Variants in IRF4 observed in about 807,000 individuals in gnomAD.
IRF4 encodes the protein interferon regulatory factor 4, also known as lymphocyte-specific interferon regulatory factor.
IRF4 carries 13 observed loss-of-function variants against 55.5 expected under a neutral mutation model. That is an observed-to-expected ratio of 0.23 (90% confidence interval 0.15 to 0.37). The LOEUF (loss-of-function observed/expected upper bound fraction) is 0.37, where lower values mean the gene tolerates loss of function less well. Ranked by LOEUF, IRF4 falls within the 10% of genes least tolerant of loss-of-function variation. The pLI, the probability that IRF4 is intolerant of heterozygous loss-of-function variation, is 1.00. For missense variants in IRF4, 397 were observed against 593.8 expected (o/e 0.67, Z 3.44); for synonymous variants, 249 against 240.7 (o/e 1.03, Z -0.32).
intron 7 of IRF4, among the ~76,000 whole-genome samples, chr6:402,574 C>G (rs1341006204): frequency 1.3e-5 from 2 of 152,250 alleles, no homozygotes; most frequent in Non-Finnish European, 2.9e-5. Flanking sequence ...CTCCCCTTTT[C>G]TTGAATGTGC....
intron 1 of IRF4, among the ~76,000 whole-genome samples, chr6:392,205 G>C (rs1761121196): frequency 6.6e-6 from 1 of 152,264 alleles, no homozygotes. Flanking sequence ...CCAATCCGAG[G>C]CTCCTTCCCC....
Position 394,738 on chromosome 6 carries a change from G to A in IRF4, c.217-83G>A, listed in dbSNP as rs1761209496. The A allele has an allele frequency of 1.0e-5, 14 of 1,335,070 alleles. No homozygotes were observed. In the East Asian group the frequency reaches 3.0e-4, roughly 29 times the overall value. 82.7% of individuals were successfully genotyped at this position (1,335,070 alleles called of 1,614,324 possible). A position where few individuals can be genotyped will look rare whatever the true frequency, so the allele number is the denominator to read the frequency against. ...CCACTGTACTCTAGCCTGGGCAGCA[G>A]AGCAGGACTCTGATTCCAAAAAGAA... On this transcript the variant is annotated intron_variant, in intron 2 of 8. Transcript: ENST00000380956.
Position 391,780 on chromosome 6 carries a change from C to G in IRF4, c.-85C>G, listed in dbSNP as rs1450231210. Reference sequence around the variant, plus strand: ...TTCACCGCTCGATCTTGGGACCCACCGCTGCCCTCAGCTCCGAGTCCAGGG... The same window carrying G: ...TTCACCGCTCGATCTTGGGACCCACGGCTGCCCTCAGCTCCGAGTCCAGGG... On this transcript the variant is annotated 5_prime_UTR_variant, in exon 1 of 9. Transcript: ENST00000380956. The G allele has an allele frequency of 2.2e-6, 1 of 456,218 alleles. No homozygotes were observed. Among genetic ancestry groups the G allele is most frequent in the East Asian group, 6.9e-5 (1 of 14,402 alleles). 28.3% of individuals were successfully genotyped at this position (456,218 alleles called of 1,614,324 possible). A position where few individuals can be genotyped will look rare whatever the true frequency, so the allele number is the denominator to read the frequency against.
At chr6:404,634 A>G (rs1297495384) in intron 7 of IRF4, among the ~76,000 whole-genome samples, 1 of 152,260 alleles carries the variant, frequency 6.6e-6, no homozygotes, top group African/African-American at 2.4e-5. Context: ...GATTTTTTAA[A>G]TGAAAACTTG....
chr6:402,540 CTG>C (rs895457718), intron 7 of IRF4, among the ~76,000 whole-genome samples: 1 of 152,246 alleles, frequency 6.6e-6, no homozygotes, highest in African/African-American at 2.4e-5. Context: ...TCAGAAACTC[CTG>C]TGTCTTTGAT....
At position 393,503 on chromosome 6, in the gene IRF4, G is replaced by A; in HGVS notation, c.216+135G>A. The A allele has an allele frequency of 1.8e-6, 1 of 565,574 alleles. No homozygotes were observed. The highest frequency in any genetic ancestry group is 3.7e-5 in the East Asian group (1 of 27,062). The allele number at this position is 565,574 out of a possible 1,614,324, so 35.0% of individuals were successfully genotyped here. On this transcript the variant is annotated intron_variant, in intron 2 of 8. Transcript: ENST00000380956. The surrounding 1 kb of genome is among the most constrained non-coding windows in gnomAD (Gnocchi z 5.4). Reference sequence around the variant, plus strand: ...CGGGCGGGCGGCGGAGGCATCAGGTGGCGTCGCCGGAGCCGCAGGAGGAGG... The same window carrying A: ...CGGGCGGGCGGCGGAGGCATCAGGTAGCGTCGCCGGAGCCGCAGGAGGAGG...
chr6:406,707 A>G (rs975645966), intron 8 of IRF4: 25 of 909,536 alleles, frequency 2.7e-5, no homozygotes, highest in Non-Finnish European at 3.5e-5. Flanking sequence ...AAAATGAATA[A>G]ACACACGTGT....
intron 7 of IRF4, among the ~76,000 whole-genome samples, chr6:403,745 A>T (rs1761468453): frequency 6.6e-6 from 1 of 152,230 alleles, no homozygotes; most frequent in Non-Finnish European, 1.5e-5. Context: ...GATGCTGTGA[A>T]CGTAAAAACT....
At chr6:398,799 C>A in intron 5 of IRF4, 29 bp from the exon 6 acceptor site, 3 of 1,545,418 alleles carry the variant, frequency 1.9e-6, no homozygotes, top group Non-Finnish European at 2.7e-6. Context: ...TCTGTCTAGA[C>A]ATCATCTGAT....
At chr6:399,007 C>A in intron 6 of IRF4, 72 bp downstream of exon 6, 3 of 1,049,084 alleles carry the variant, frequency 2.9e-6, no homozygotes, top group Non-Finnish European at 2.8e-6. Context: ...CATCTTTGGG[C>A]AGATTCGATG....
chr6:401,902 G>A, intron 7 of IRF4, 125 bp downstream of exon 7: 1 of 738,226 alleles, frequency 1.4e-6, no homozygotes, highest in Middle Eastern at 2.7e-4. Flanking sequence ...GGCGCCCACT[G>A]GGCTTGGGGC....
Position 393,174 on chromosome 6 carries a change from C to T in IRF4, c.22C>T (p.Arg8Ter). The change falls in exon 2 of 9, where the codon CGA (arginine) becomes TGA (stop). Residue 8 changes from arginine to a stop codon, truncating the protein, a stop_gained. Transcript: ENST00000380956. LOFTEE classifies it high-confidence loss of function. This position sits in a 1 kb window ranked among gnomAD's most constrained non-coding sequence, Gnocchi z 5.4. ...GGGCATGAACCTGGAGGGCGGCGGC[C>T]GAGGCGGAGAGTTCGGCATGAGCGC... MNLEGGGRGGEFGMSAVS... is the reference protein window; with the variant it reads MNLEGGG 4 of 1,551,118 alleles carry T rather than the reference C, an allele frequency of 2.6e-6. No homozygotes were observed. Among genetic ancestry groups the T allele is most frequent in the Non-Finnish European group, 2.6e-6 (3 of 1,147,220 alleles).
intron 5 of IRF4, among the ~76,000 whole-genome samples, chr6:397,752 T>C (rs186067525): frequency 6.6e-6 from 1 of 152,234 alleles, no homozygotes; most frequent in Non-Finnish European, 1.5e-5. Flanking sequence ...TTGCTGATTG[T>C]GGATTAGATG....
chr6:393,407 G>C lies in IRF4; in HGVS notation c.216+39G>C. 2 of 1,484,360 alleles carry C rather than the reference G, an allele frequency of 1.3e-6. No individual in the cohort carries two copies. The highest frequency in any genetic ancestry group is 2.8e-5 in the African/African-American group (2 of 71,360). The allele number at this position is 1,484,360 out of a possible 1,614,324, so 91.9% of individuals were successfully genotyped here. A position where few individuals can be genotyped will look rare whatever the true frequency, so the allele number is the denominator to read the frequency against. On this transcript the variant is annotated intron_variant, in intron 2 of 8. Transcript: ENST00000380956. The surrounding 1 kb of genome is among the most constrained non-coding windows in gnomAD (Gnocchi z 5.4). ...GGAGCCGGCGGGGGCGCGCCGGGGA[G>C]GGCCCAGAGACAGAGCCCGGGGTCC...
rs1282131881 is a variant in IRF4, at chr6:408,481, T to G, written c.*883T>G. The G allele has an allele frequency of 1.3e-5, 3 of 229,798 alleles. No homozygotes were observed. Among genetic ancestry groups the G allele is most frequent in the African/African-American group, 6.6e-5 (3 of 45,162 alleles). 14.2% of individuals were successfully genotyped at this position (229,798 alleles called of 1,614,324 possible). Reference sequence around the variant, plus strand: ...AGTCAAAAAACATGAGCGCTACTCTTGGATGGGACATTTTTGTCTGTCCTA... The same window carrying G: ...AGTCAAAAAACATGAGCGCTACTCTGGGATGGGACATTTTTGTCTGTCCTA... On this transcript the variant is annotated 3_prime_UTR_variant, in exon 9 of 9. Coordinates refer to ENST00000380956, the MANE Select transcript of IRF4 (RefSeq NM_002460.4).
In IRF4 at chr6:394,832, G is replaced by A; in HGVS notation, c.228G>A (p.Leu76=). Residue 76 remains leucine, a synonymous_variant, in exon 3 of 9, where the codon CTG becomes CTA. Coordinates refer to ENST00000380956, the MANE Select transcript of IRF4 (RefSeq NM_002460.4). ...TTCTTTCCCACCAGGCTTGGGCACT[G>A]TTTAAAGGAAAGTTCCGAGAAGGCA... ...EDAALFKAWA[L]FKGKFREGID... The A allele has an allele frequency of 6.2e-7, 1 of 1,613,836 alleles. No homozygotes were observed. The highest frequency in any genetic ancestry group is 8.5e-7 in the Non-Finnish European group (1 of 1,179,872).
intron 7 of IRF4, among the ~76,000 whole-genome samples, chr6:404,796 A>G (rs1191992862): frequency 6.6e-6 from 1 of 152,250 alleles, no homozygotes; most frequent in Non-Finnish European, 1.5e-5. Flanking sequence ...CTCTTGAAGA[A>G]TCGAGGGAGA....
Position 393,229 on chromosome 6 carries a change from A to G in IRF4, c.77A>G (p.Gln26Arg), listed in dbSNP as rs1761164866. 6.4e-7 allele frequency: 1 copy of G among 1,573,368 alleles called. No individual in the cohort carries two copies. The highest frequency in any genetic ancestry group is 8.6e-7 in the Non-Finnish European group (1 of 1,159,232). The change falls in exon 2 of 9, where the codon CAG (glutamine) becomes CGG (arginine). Residue 26 changes from glutamine (Q) to arginine (R), a missense_variant. This residue lies in a region of IRF4 where 341 missense variants were observed against 548.1 expected (regional missense o/e 0.62). Transcript: ENST00000380956. This position sits in a 1 kb window ranked among gnomAD's most constrained non-coding sequence, Gnocchi z 5.4. ...AGCTGCGGCAACGGGAAGCTCCGCC[A>G]GTGGCTGATCGACCAGATCGACAGC... ...AVSCGNGKLR[Q>R]WLIDQIDSGK... is the part of the protein sequence containing the mutation.
chr6:393,957 C>G lies in IRF4; in HGVS notation c.216+589C>G, dbSNP rs533236904. Reference sequence around the variant, plus strand: ...GTCTCTGTCTCTCTCTTTCCCCCATCGCAGTGGAACTCAGGGCCTCTGTCT... The same window carrying G: ...GTCTCTGTCTCTCTCTTTCCCCCATGGCAGTGGAACTCAGGGCCTCTGTCT... On this transcript the variant is annotated intron_variant, in intron 2 of 8. Transcript: ENST00000380956. The surrounding 1 kb of genome is among the most constrained non-coding windows in gnomAD (Gnocchi z 5.4). Among the ~76,000 whole-genome samples, 5 of 152,290 alleles carry G rather than the reference C, an allele frequency of 3.3e-5. No individual in the cohort carries two copies. In the South Asian group the frequency reaches 8.3e-4, roughly 25 times the overall value.
Sources: allele counts gnomAD v4.1 joint callset (sites outside exome capture counted in the v4.1 genomes callset), GRCh38; gene constraint gnomAD v4.1.1; regional missense constraint gnomAD v4.1.1; non-coding constraint Gnocchi (gnomAD v3.1); transcripts MANE v1.5; gene names NCBI Gene and HGNC (gene_info 2026-07-23, HGNC 2026-07-21).